Variants in ELN observed in about 807,000 individuals in gnomAD.
ELN encodes the protein tropoelastin.
Under a neutral mutation model 105.8 loss-of-function variants are expected in ELN, and 65 were observed. That is an observed-to-expected ratio of 0.61 (90% CI 0.50 to 0.75). The LOEUF (loss-of-function observed/expected upper bound fraction) is 0.75. Ranked by LOEUF, ELN falls within the 30% of genes least tolerant of loss-of-function variation. The pLI, the probability that ELN is intolerant of heterozygous loss-of-function variation, is 0.00. For missense variants in ELN, 882 were observed against 969.4 expected (o/e 0.91, Z 1.20); for synonymous variants, 368 against 389.2 (o/e 0.95, Z 0.64).
At chr7:74,047,556 G>A in intron 12 of ELN, 119 bp from the exon 13 acceptor site, 1 of 1,406,898 alleles carries the variant, frequency 7.1e-7, no homozygotes, top group South Asian at 1.2e-5. Context: ...AGCAGCTCAG[G>A]ACCCTGATGT....
intron 21 of ELN, 95 bp downstream of exon 21, chr7:74,056,808 T>A (rs1344432948): frequency 6.5e-7 from 1 of 1,528,348 alleles, no homozygotes; most frequent in African/African-American, 1.4e-5. Flanking sequence ...CCTCCAGGAC[T>A]GAAATGGCCT....
At chr7:74,035,296 G>A (rs947508444) in intron 1 of ELN, 68 bp from the exon 2 acceptor site, 11 of 1,553,652 alleles carry the variant, frequency 7.1e-6, no homozygotes, top group Admixed American at 3.4e-5. Context: ...GGCAAAAATC[G>A]CAGTTACTTT....
chr7:74,045,024 C>G (rs1792133960), intron 9 of ELN, among the ~76,000 whole-genome samples, 198 bp from the exon 10 acceptor site: 1 of 152,244 alleles, frequency 6.6e-6, no homozygotes, highest in African/African-American at 2.4e-5. Flanking sequence ...GATTAAAACT[C>G]AGATCTTCTG....
Position 74,059,917 on chromosome 7 carries a change from A to C in ELN, c.1446A>C (p.Gly482=). The C allele has an allele frequency of 6.5e-7, 1 of 1,531,692 alleles. No individual in the cohort carries two copies. Among genetic ancestry groups the C allele is most frequent in the Non-Finnish European group, 9.0e-7 (1 of 1,106,208 alleles). 94.9% of individuals were successfully genotyped at this position (1,531,692 alleles called of 1,614,324 possible). The part of the protein sequence containing the change: ...GLVPGVGVAP[G]VGVAPGVGVA... The stretch of plus-strand genomic sequence containing the variant: ...TTCCTGGTGTCGGCGTGGCTCCTGG[A>C]GTTGGCGTGGCTCCTGGTGTCGGTG... The change falls in exon 23 of 33, where the codon GGA becomes GGC. Residue 482 remains glycine, a synonymous_variant. Transcript: ENST00000252034.
chr7:74,045,187 T>A lies in ELN; in HGVS notation c.470-35T>A, dbSNP rs149287329. The A allele has an allele frequency of 1.6e-4, 253 of 1,613,174 alleles. 1 individual carries two copies. In the African/African-American group the frequency reaches 2.8e-3, roughly 18 times the overall value. ...GGTTCCCAGCAGGGCCTGCAAGGCC[T>A]GCCTTCCTACACTCACTGCTTTGTC... On this transcript the variant is annotated intron_variant, in intron 9 of 32. Coordinates refer to ENST00000252034, the MANE Select transcript of ELN (RefSeq NM_000501.4).
chr7:74,037,964 C>G, intron 4 of ELN: 1 of 601,834 alleles, frequency 1.7e-6, no homozygotes, highest in South Asian at 1.9e-5. Context: ...TCCATGTCCT[C>G]CCTGTGTGAG....
At chr7:74,041,346 G>T in intron 5 of ELN, 95 bp downstream of exon 5, 1 of 1,520,082 alleles carries the variant, frequency 6.6e-7, no homozygotes, top group Non-Finnish European at 9.1e-7. Flanking sequence ...GAACAAGGGT[G>T]CAGGCCAGGT....
chr7:74,069,466 C>T lies in ELN; in HGVS notation c.*766C>T, dbSNP rs1221062498. On this transcript the variant is annotated 3_prime_UTR_variant, in exon 33 of 33. Coordinates refer to ENST00000252034, the MANE Select transcript of ELN (RefSeq NM_000501.4). ...CATGGCCGCCTGTGCCCTGCCTCCACCCCCATCCTACACTCCCCCAGGGCG... is the reference window on the plus strand; with the variant it reads ...CATGGCCGCCTGTGCCCTGCCTCCATCCCCATCCTACACTCCCCCAGGGCG... 2.1e-5 allele frequency: 5 copies of T among 235,198 alleles called. No individual in the cohort carries two copies. Among genetic ancestry groups the T allele is most frequent in the Non-Finnish European group, 4.2e-5 (5 of 119,280 alleles). 14.6% of individuals were successfully genotyped at this position (235,198 alleles called of 1,614,324 possible).
At position 74,063,329 on chromosome 7, in the gene ELN, C is replaced by T. The variant is rs782529200; in HGVS notation, c.1878C>T (p.Ala626=). Residue 626 remains alanine (A), a synonymous_variant, in exon 28 of 33, where the codon GCC becomes GCT. Coordinates refer to ENST00000252034, the MANE Select transcript of ELN (RefSeq NM_000501.4). This position sits in a 1 kb window ranked among gnomAD's most constrained non-coding sequence, Gnocchi z 4.1. The part of the protein sequence containing the change: ...GGVVGAGPAA[A]AAAAKAAAKA... ...TCCCAGGAGCCGGACCCGCCGCCGC[C>T]GCTGCCGCAGCCAAAGCTGCTGCCA... 1.1e-5 allele frequency: 17 copies of T among 1,551,102 alleles called. No homozygotes were observed. The highest frequency in any genetic ancestry group is 5.4e-5 in the African/African-American group (4 of 73,430).
intron 18 of ELN, among the ~76,000 whole-genome samples, chr7:74,053,691 G>T (rs968502891): frequency 1.3e-5 from 2 of 150,906 alleles, no homozygotes; most frequent in African/African-American, 2.4e-5. Flanking sequence ...TGGATGGATA[G>T]ATGGGTGGGT....
chr7:74,028,530 G>A (rs1279038673), intron 1 of ELN, among the ~76,000 whole-genome samples: 1 of 152,194 alleles, frequency 6.6e-6, no homozygotes, highest in East Asian at 1.9e-4. Flanking sequence ...GAGGGCTGAG[G>A]GGGCCCCTGC....
chr7:74,061,916 C>A (rs144378282), intron 26 of ELN, among the ~76,000 whole-genome samples: 40 of 152,272 alleles, frequency 2.6e-4, no homozygotes, highest in Admixed American at 3.9e-4. Flanking sequence ...TCTCTGCCTC[C>A]ACCCCAGCTC....
At chr7:74,057,378 C>A in intron 21 of ELN, 1 of 1,496,962 alleles carries the variant, frequency 6.7e-7, no homozygotes. Context: ...CTCCACTCCC[C>A]GAGGTGCTGC....
At chr7:74,059,558 C>T (rs1796126956) in intron 22 of ELN, 1 of 465,954 alleles carries the variant, frequency 2.1e-6, no homozygotes, top group Non-Finnish European at 3.9e-6. Context: ...GTGGTGCGCA[C>T]CTGTAGTCCC....
At chr7:74,043,833 T>A in intron 8 of ELN, 46 bp from the exon 9 acceptor site, 1 of 1,611,246 alleles carries the variant, frequency 6.2e-7, no homozygotes, top group Non-Finnish European at 8.5e-7. Context: ...GAGGGGTCCC[T>A]GGAGGCTGAG....
intron 18 of ELN, 91 bp from the exon 19 acceptor site, chr7:74,054,625 C>A: frequency 7.5e-7 from 1 of 1,341,472 alleles, no homozygotes; most frequent in Non-Finnish European, 1.1e-6. Flanking sequence ...AGGAGATGGC[C>A]CAACACACAG....
intron 18 of ELN, 57 bp downstream of exon 18, chr7:74,053,366 G>A (rs1334830016): frequency 7.0e-6 from 11 of 1,574,220 alleles, no homozygotes; most frequent in Non-Finnish European, 9.5e-6. Context: ...GTGTATTAGA[G>A]AGAAATATTG....
rs782811113 is a variant in ELN at position 74,056,476 on chromosome 7, A to G, written c.1315+41A>G. ...ACCTGGGGACATGGGTTGAGAAGGG[A>G]TGGGGGCTTCTTGTCTGCTCGGCTC... On this transcript the variant is annotated intron_variant, in intron 20 of 32. Transcript: ENST00000252034. The G allele has an allele frequency of 1.9e-6, 3 of 1,611,688 alleles. No individual in the cohort carries two copies. The South Asian group carries it at 3.3e-5, about 18-fold the overall frequency.
intron 1 of ELN, 61 bp from the exon 2 acceptor site, chr7:74,035,303 C>T: frequency 6.3e-7 from 1 of 1,594,972 alleles, no homozygotes; most frequent in Non-Finnish European, 8.6e-7. Flanking sequence ...ATCGCAGTTA[C>T]TTTTGCACCA....
Sources: allele counts gnomAD v4.1 joint callset (sites outside exome capture counted in the v4.1 genomes callset), GRCh38; gene constraint gnomAD v4.1.1; non-coding constraint Gnocchi (gnomAD v3.1); transcripts MANE v1.5; gene names NCBI Gene and HGNC (gene_info 2026-07-23, HGNC 2026-07-21).